Variants in NPAS3 observed in about 807,000 individuals in gnomAD.
NPAS3 encodes neuronal PAS domain-containing protein 3.
NPAS3 carries 14 observed loss-of-function variants against 73.1 expected under a neutral mutation model. The observed-to-expected ratio is 0.19, with a 90% CI of 0.13 to 0.30. NPAS3 has a LOEUF of 0.30. Among genes scored for constraint, NPAS3 ranks in the 10% least tolerant of loss-of-function variants. The pLI, the probability that NPAS3 is intolerant of heterozygous loss-of-function variation, is 1.00. For missense variants in NPAS3, 1,096 were observed against 1,250.0 expected, an observed-to-expected ratio of 0.88 and a Z score of 1.86; for synonymous variants, 620 against 541.5, an observed-to-expected ratio of 1.14 and a Z score of -2.01.
intron 2 of NPAS3, among the ~76,000 whole-genome samples, chr14:33,190,632 T>A (rs921241630): frequency 6.6e-6 from 1 of 152,216 alleles, no homozygotes; most frequent in African/African-American, 2.4e-5. Flanking sequence ...ATTTTGCCTG[T>A]GGCAGAATTA....
At chr14:33,023,659 C>T (rs1254823737) in intron 1 of NPAS3, among the ~76,000 whole-genome samples, 1 of 152,078 alleles carries the variant, frequency 6.6e-6, no homozygotes, top group East Asian at 1.9e-4. Flanking sequence ...ACATTAAAAT[C>T]CTTTAGTAGT....
intron 7 of NPAS3, among the ~76,000 whole-genome samples, chr14:33,758,103 C>T (rs2062171432): frequency 6.6e-6 from 1 of 152,282 alleles, no homozygotes; most frequent in Non-Finnish European, 1.5e-5. Flanking sequence ...TGTGGTTCCC[C>T]CTTTGTCTGT....
intron 2 of NPAS3, among the ~76,000 whole-genome samples, chr14:33,132,672 G>C (rs563673570): frequency 1.3e-5 from 2 of 151,918 alleles, no homozygotes; most frequent in South Asian, 4.2e-4. Flanking sequence ...GTTCATGAAG[G>C]CAAGTACAGT....
chr14:33,544,693 T>C (rs2054697633), intron 4 of NPAS3, among the ~76,000 whole-genome samples: 1 of 142,574 alleles, frequency 7.0e-6, no homozygotes, highest in Admixed American at 7.2e-5. Context: ...ACAGAATAAG[T>C]TTCTGTTGTT....
At chr14:33,439,169 G>A (rs1245233183) in intron 4 of NPAS3, among the ~76,000 whole-genome samples, 3 of 152,018 alleles carry the variant, frequency 2.0e-5, no homozygotes, top group Admixed American at 6.6e-5. Flanking sequence ...ATTTTGTGAA[G>A]TAAATAGGAC....
At chr14:33,642,358 C>T (rs895573910) in intron 5 of NPAS3, among the ~76,000 whole-genome samples, 1 of 152,060 alleles carries the variant, frequency 6.6e-6, no homozygotes, top group Admixed American at 6.6e-5. Context: ...AGCAGCGAGC[C>T]GCTATTCAGA....
intron 4 of NPAS3, among the ~76,000 whole-genome samples, chr14:33,434,064 C>A (rs1029586887): frequency 1.3e-5 from 2 of 151,988 alleles, no homozygotes; most frequent in Admixed American, 6.6e-5. Context: ...TGGTGGCAGG[C>A]GCCTGTAATC....
At chr14:33,268,617 C>T (rs916473887) in intron 3 of NPAS3, among the ~76,000 whole-genome samples, 7 of 152,182 alleles carry the variant, frequency 4.6e-5, no homozygotes, top group Admixed American at 1.3e-4. Flanking sequence ...AGGAACTTAT[C>T]AGTCAGCTAT....
At chr14:32,959,491 C>T (rs533597583) in intron 1 of NPAS3, among the ~76,000 whole-genome samples, 1 of 152,312 alleles carries the variant, frequency 6.6e-6, no homozygotes, top group South Asian at 2.1e-4. Flanking sequence ...ACTATGTTTA[C>T]ATTTACGTGA....
intron 3 of NPAS3, among the ~76,000 whole-genome samples, chr14:33,359,308 G>A (rs897387217): frequency 6.6e-6 from 1 of 152,226 alleles, no homozygotes; most frequent in African/African-American, 2.4e-5. Context: ...TAGACTGGAA[G>A]TAATAAGGTT....
At chr14:33,041,508 G>C (rs1291989373) in intron 1 of NPAS3, among the ~76,000 whole-genome samples, 1 of 152,042 alleles carries the variant, frequency 6.6e-6, no homozygotes, top group African/African-American at 2.4e-5. Context: ...CTTCTTGTGG[G>C]TACACATAAA....
In NPAS3 at chr14:33,595,679, C is replaced by CT. The variant is rs199621793; in HGVS notation, c.558+35478dup. Among the ~76,000 whole-genome samples, 2,276 of 151,442 alleles carry CT rather than the reference C, an allele frequency of 0.015. 114 individuals carry two copies. The East Asian group carries it at 0.2, about 13-fold the overall frequency. On this transcript the variant is annotated intron_variant, in intron 5 of 11. Transcript: ENST00000356141. ...CTAAATATTTTAATCAGTTGCACTTCTTTTTTTTTGAGATGGAGTCTGGCC... is the reference window on the plus strand; with the variant it reads ...CTAAATATTTTAATCAGTTGCACTTCTTTTTTTTTTGAGATGGAGTCTGGCC...
chr14:33,252,788 A>G (rs1358455542), intron 3 of NPAS3, among the ~76,000 whole-genome samples: 2 of 149,380 alleles, frequency 1.3e-5, no homozygotes, highest in East Asian at 3.9e-4. Context: ...CTCTTGCCCC[A>G]CTCCCACCCT....
chr14:33,293,253 G>A (rs1469881462), intron 3 of NPAS3, among the ~76,000 whole-genome samples: 1 of 152,140 alleles, frequency 6.6e-6, no homozygotes, highest in Non-Finnish European at 1.5e-5. Flanking sequence ...AAAAATATAT[G>A]AGAAATCAAT....
At chr14:33,738,565 A>C (rs115358392) in intron 7 of NPAS3, among the ~76,000 whole-genome samples, 3,917 of 152,182 alleles carry the variant, frequency 0.026, 191 homozygotes, top group African/African-American at 0.088. Flanking sequence ...AATTCTAGCC[A>C]AGGAAATACC....
chr14:33,320,204 G>A (rs1479874904), intron 3 of NPAS3, among the ~76,000 whole-genome samples: 1 of 152,156 alleles, frequency 6.6e-6, no homozygotes, highest in African/African-American at 2.4e-5. Flanking sequence ...GTTGTCTAGT[G>A]TAGCTGGAGC....
chr14:33,020,073 G>T (rs2039539431), intron 1 of NPAS3, among the ~76,000 whole-genome samples: 1 of 152,074 alleles, frequency 6.6e-6, no homozygotes. Flanking sequence ...TGTCTTGTCA[G>T]TATTATATTT....
intron 3 of NPAS3, among the ~76,000 whole-genome samples, chr14:33,311,087 T>G (rs1010020483): frequency 2.0e-5 from 3 of 152,164 alleles, no homozygotes; most frequent in African/African-American, 7.2e-5. Flanking sequence ...TTTCCTTCCA[T>G]GAAGTGAGGT....
chr14:33,050,214 C>T lies in NPAS3; in HGVS notation c.51-5691C>T, dbSNP rs552918476. On this transcript the variant is annotated intron_variant, in intron 1 of 11. Coordinates refer to ENST00000356141, the Ensembl canonical transcript of NPAS3. ...CACTGATTCAAAACACTACCATTGA[C>T]AAGAACTCACTCATTTCACTCCTAA... Among the ~76,000 whole-genome samples, 6 of 152,312 alleles carry T rather than the reference C, an allele frequency of 3.9e-5. No homozygotes were observed. The South Asian group carries it at 1.2e-3, about 32-fold the overall frequency.
Sources: gnomAD v4.1 joint callset for allele counts (sites outside exome capture counted in the v4.1 genomes callset) on GRCh38, gnomAD v4.1.1 for gene constraint, MANE v1.5 for transcripts, NCBI Gene and HGNC (gene_info 2026-07-23, HGNC 2026-07-21) for gene names.